CEP192: variants seen among roughly 807,000 people sequenced by gnomAD.
CEP192 encodes centrosomal protein 192.
In CEP192, 151 loss-of-function variants were observed where a neutral mutation model predicts 271.8. The observed-to-expected ratio is 0.56, with a 90% confidence interval of 0.49 to 0.64. The LOEUF is 0.64. CEP192 is among the 30% of genes least tolerant of loss of function. The pLI is 0.00. For synonymous variants in CEP192, 995 were observed against 1,076.5 expected, an observed-to-expected ratio of 0.92 and a Z score of 1.48; for missense variants, 2,910 against 3,020.5, an observed-to-expected ratio of 0.96 and a Z score of 0.86.
chr18:13,055,809 A>G lies in CEP192; in HGVS notation c.3219A>G (p.Thr1073=), dbSNP rs1415203578. ...ATATCACCAGCGAGTTGAGTACCAC[A>G]ATTATTCAAGGCAGTCCAGCCGCAT... ...KSDITSELST[T]IIQGSPAALE... is the part of the protein sequence containing the mutation. Residue 1073 remains threonine, a synonymous_variant, in exon 19 of 45, where the codon ACA becomes ACG. Transcript: ENST00000506447. 2.5e-5 allele frequency: 40 copies of G among 1,587,262 alleles called. No individual in the cohort carries two copies. In the East Asian group the frequency reaches 8.9e-4, roughly 35 times the overall value.
chr18:13,002,563 AC>A (rs1431730471), intron 3 of CEP192, among the ~76,000 whole-genome samples: 16 of 152,210 alleles, frequency 1.1e-4, no homozygotes, highest in Non-Finnish European at 8.8e-5. Flanking sequence ...TATTTTAAAG[AC>A]CATTACAAAT....
At chr18:13,030,035 A>C (rs2035528176) in intron 10 of CEP192, 33 bp downstream of exon 10, 1 of 1,408,728 alleles carries the variant, frequency 7.1e-7, no homozygotes, top group Non-Finnish European at 9.7e-7. Flanking sequence ...AGAGTGAAAG[A>C]AATAGATGTT....
At chr18:13,029,572 CTA>C in intron 9 of CEP192, 89 bp from the exon 10 acceptor site, 1 of 750,662 alleles carries the variant, frequency 1.3e-6, no homozygotes, top group Non-Finnish European at 2.1e-6. Flanking sequence ...TTTATATCAA[CTA>C]TATAATTTTT....
At chr18:13,025,229 A>G (rs1359460219) in intron 9 of CEP192, among the ~76,000 whole-genome samples, 7 of 151,690 alleles carry the variant, frequency 4.6e-5, no homozygotes, top group African/African-American at 9.7e-5. Context: ...TATTATTATT[A>G]CTATTTTGAG....
At chr18:13,028,000 T>G (rs906430695) in intron 9 of CEP192, among the ~76,000 whole-genome samples, 3 of 152,178 alleles carry the variant, frequency 2.0e-5, no homozygotes. Context: ...CAACAGAAAT[T>G]TATTTCCTCA....
chr18:13,110,210 T>A (rs1004523720), intron 40 of CEP192, among the ~76,000 whole-genome samples: 1 of 152,192 alleles, frequency 6.6e-6, no homozygotes, highest in Non-Finnish European at 1.5e-5. Flanking sequence ...GGGTTTTGTT[T>A]TAAAATTGAA....
At chr18:13,022,505 C>A (rs1269646536) in intron 9 of CEP192, among the ~76,000 whole-genome samples, 1 of 152,134 alleles carries the variant, frequency 6.6e-6, no homozygotes, top group Non-Finnish European at 1.5e-5. Context: ...CTCAGCCTGC[C>A]AGGTAGCTGG....
intron 2 of CEP192, among the ~76,000 whole-genome samples, chr18:13,001,165 A>G (rs2033619303): frequency 6.6e-6 from 1 of 152,142 alleles, no homozygotes; most frequent in South Asian, 2.1e-4. Flanking sequence ...TCTCAACCTA[A>G]ACATTTAGTG....
At chr18:13,088,822 T>C in intron 32 of CEP192, 4 of 424,360 alleles carry the variant, frequency 9.4e-6, no homozygotes, top group South Asian at 6.8e-5. Flanking sequence ...ACAGACCAAA[T>C]ACAAAGCTTG....
intron 7 of CEP192, among the ~76,000 whole-genome samples, chr18:13,018,229 TA>T: frequency 6.6e-6 from 1 of 152,292 alleles, no homozygotes; most frequent in South Asian, 2.1e-4. Flanking sequence ...TCCCCTTCGT[TA>T]TTAATAAGTC....
At chr18:13,034,643 TAAA>T (rs1248570440) in intron 11 of CEP192, among the ~76,000 whole-genome samples, 1 of 137,752 alleles carries the variant, frequency 7.3e-6, no homozygotes, top group African/African-American at 2.7e-5. Context: ...CTGTCTCTAC[TAAA>T]AAAAAAAAAA....
At chr18:13,120,739 A>G (rs1255655526) in intron 44 of CEP192, among the ~76,000 whole-genome samples, 1 of 152,250 alleles carries the variant, frequency 6.6e-6, no homozygotes, top group Non-Finnish European at 1.5e-5. Context: ...GATATTAACT[A>G]TCACTATAGG....
intron 15 of CEP192, among the ~76,000 whole-genome samples, chr18:13,047,537 C>G (rs2036549973): frequency 6.6e-6 from 1 of 152,188 alleles, no homozygotes; most frequent in South Asian, 2.1e-4. Flanking sequence ...ACTTTCTTCT[C>G]TTAGATTTTG....
chr18:13,086,937 G>C, intron 30 of CEP192, 80 bp from the exon 31 acceptor site: 1 of 1,005,992 alleles, frequency 9.9e-7, no homozygotes, highest in Non-Finnish European at 1.5e-6. Flanking sequence ...AAATCTTTCT[G>C]AATTTTCTTC....
At chr18:13,097,617 G>C (rs955978025) in intron 36 of CEP192, among the ~76,000 whole-genome samples, 6 of 121,142 alleles carry the variant, frequency 5.0e-5, no homozygotes, top group East Asian at 4.8e-4. Flanking sequence ...GGCATGGTTT[G>C]TTTTCTTTTC....
At chr18:13,030,102 A>T (rs909083098) in intron 10 of CEP192, 100 bp downstream of exon 10, 1 of 1,005,848 alleles carries the variant, frequency 9.9e-7, no homozygotes, top group Non-Finnish European at 1.4e-6. Flanking sequence ...TTCCTGTTGA[A>T]ATATTTTAGT....
At chr18:13,025,434 C>T (rs568022748) in intron 9 of CEP192, among the ~76,000 whole-genome samples, 98 of 152,244 alleles carry the variant, frequency 6.4e-4, no homozygotes, top group Non-Finnish European at 1.3e-3. Flanking sequence ...CCAGTCTGGT[C>T]TTGAGCTCCT....
chr18:13,069,857 G>T lies in CEP192; in HGVS notation c.5174+1G>T, dbSNP rs756574367. 17 of 1,546,504 alleles carry T rather than the reference G, an allele frequency of 1.1e-5. No homozygotes were observed. Among genetic ancestry groups the T allele is most frequent in the Non-Finnish European group, 1.4e-5 (16 of 1,119,570 alleles). ...AGGATCCTGAAGCCTGCGAGGAAAGGTAATATAAAAATGTTATAATGGACC... is the reference window on the plus strand; with the variant it reads ...AGGATCCTGAAGCCTGCGAGGAAAGTTAATATAAAAATGTTATAATGGACC... On this transcript the variant is annotated splice_donor_variant, in intron 27 of 44. Coordinates refer to ENST00000506447, the MANE Select transcript of CEP192 (RefSeq NM_032142.4). LOFTEE classifies it high-confidence loss of function.
chr18:13,029,986 C>T lies in CEP192; in HGVS notation c.1374C>T (p.Ile458=), dbSNP rs1259492871. The change falls in exon 10 of 45, where the codon ATC becomes ATT. Residue 458 remains isoleucine, a synonymous_variant. Transcript: ENST00000506447. Reference sequence around the variant, plus strand: ...GAACATGTGAATGTCACGAGTCCATCGAAAAGAATAAAGACAGTAAGTGGA... The same window carrying T: ...GAACATGTGAATGTCACGAGTCCATTGAAAAGAATAAAGACAGTAAGTGGA... ...ERRTCECHES[I]EKNKDKTDLP... The T allele has an allele frequency of 2.6e-6, 4 of 1,546,812 alleles. No individual in the cohort carries two copies. The highest frequency in any genetic ancestry group is 2.0e-5 in the Admixed American group (1 of 50,684).
Sources: allele counts gnomAD v4.1 joint callset (sites outside exome capture counted in the v4.1 genomes callset), GRCh38; gene constraint gnomAD v4.1.1; transcripts MANE v1.5; gene names NCBI Gene and HGNC (gene_info 2026-07-23, HGNC 2026-07-21).